Variants in GTPBP4 observed in about 807,000 individuals in gnomAD.
The protein encoded by GTPBP4 is GTP-binding protein 4.
In GTPBP4, 15 loss-of-function variants were observed where a neutral mutation model predicts 81.7. That is an observed-to-expected ratio of 0.18 (90% CI 0.12 to 0.28). GTPBP4 has a LOEUF of 0.28. GTPBP4 is among the 10% of genes least tolerant of loss of function. The pLI is 1.00. For missense variants in GTPBP4, 847 were observed against 793.8 expected, an observed-to-expected ratio of 1.07 and a Z score of -0.81; for synonymous variants, 272 against 274.6, an observed-to-expected ratio of 0.99 and a Z score of 0.09.
chr10:1,019,736 C>T lies in GTPBP4; in HGVS notation c.*2509C>T. 1 of 1,613,974 alleles carries T rather than the reference C, an allele frequency of 6.2e-7. No individual in the cohort carries two copies. Among genetic ancestry groups the T allele is most frequent in the South Asian group, 1.1e-5 (1 of 91,076 alleles). On this transcript the variant is annotated 3_prime_UTR_variant, in exon 17 of 17. Coordinates refer to ENST00000360803, the MANE Select transcript of GTPBP4 (RefSeq NM_012341.3). ...CCGGGTTCAGAGTGACGTTTTTCCT[C>T]ACAAGCAGAAGGTAACAAATTTCAT...
intron 13 of GTPBP4, 121 bp from the exon 14 acceptor site, chr10:1,012,344 C>T: frequency 1.5e-6 from 1 of 678,662 alleles, no homozygotes; most frequent in Non-Finnish European, 2.5e-6. Flanking sequence ...TGGGTCTGGA[C>T]CAGGGCAATC....
At position 992,544 on chromosome 10, in the gene GTPBP4, A is replaced by G. The variant is rs1257558050; in HGVS notation, c.104A>G (p.His35Arg). The part of the protein sequence containing the change: ...KTQRKTPTVI[H>R]KHYQIHRIRH... Reference sequence around the variant, plus strand: ...CAACGAAAGACTCCAACCGTTATTCATAAACATTACCAAATACATCGCATT... The same window carrying G: ...CAACGAAAGACTCCAACCGTTATTCGTAAACATTACCAAATACATCGCATT... The change falls in exon 2 of 17, where the codon CAT (histidine) becomes CGT (arginine). Residue 35 changes from histidine to arginine, a missense_variant. By Grantham distance (29) the His-to-Arg change is conservative. Transcript: ENST00000360803. 4.4e-6 allele frequency: 7 copies of G among 1,604,332 alleles called. No homozygotes were observed. The African/African-American group carries it at 8.0e-5, about 18-fold the overall frequency.
At position 1,017,253 on chromosome 10, in the gene GTPBP4, C is replaced by G. The variant is rs371888406; in HGVS notation, c.*26C>G. 1 of 1,604,270 alleles carries G rather than the reference C, an allele frequency of 6.2e-7. No homozygotes were observed. The highest frequency in any genetic ancestry group is 8.5e-7 in the Non-Finnish European group (1 of 1,172,334). On this transcript the variant is annotated 3_prime_UTR_variant, in exon 17 of 17. Transcript: ENST00000360803. Reference sequence around the variant, plus strand: ...TATCCGTTTGGTTGGCGTGGCTTCGCTAGAGTGTTGCTGTTTATTTCCTGG... The same window carrying G: ...TATCCGTTTGGTTGGCGTGGCTTCGGTAGAGTGTTGCTGTTTATTTCCTGG...
At chr10:1,001,525 C>T (rs541051985) in intron 8 of GTPBP4, among the ~76,000 whole-genome samples, 1 of 152,296 alleles carries the variant, frequency 6.6e-6, no homozygotes, top group South Asian at 2.1e-4. Flanking sequence ...TAATAGGCAT[C>T]CTTCATGATA....
At chr10:999,229 C>T in intron 6 of GTPBP4, 134 bp downstream of exon 6, 1 of 621,788 alleles carries the variant, frequency 1.6e-6, no homozygotes, top group Non-Finnish European at 2.9e-6. Context: ...AGTGATTCTC[C>T]TGCCTCAGCC....
At position 1,019,581 on chromosome 10, in the gene GTPBP4, C is replaced by T. The variant is rs200869545; in HGVS notation, c.*2354C>T. On this transcript the variant is annotated 3_prime_UTR_variant, in exon 17 of 17. Transcript: ENST00000360803. The stretch of plus-strand genomic sequence containing the variant: ...CACGTCATCCAGGTGAGGCCACCAC[C>T]GGTACAGAAACCTCTCGGCAATGGT... The T allele has an allele frequency of 6.8e-5, 109 of 1,613,978 alleles. 1 individual carries two copies. The highest frequency in any genetic ancestry group is 1.1e-4 in the South Asian group (10 of 91,070).
Position 1,019,673 on chromosome 10 carries a change from C to T in GTPBP4, c.*2446C>T, listed in dbSNP as rs1832055087. On this transcript the variant is annotated 3_prime_UTR_variant, in exon 17 of 17. Coordinates refer to ENST00000360803, the MANE Select transcript of GTPBP4 (RefSeq NM_012341.3). ...TCTCCAGCAGCTCCCACAGCTCCTC[C>T]TGGGACAGGTAGAGGATGCTTTTCG... 8.7e-6 allele frequency: 14 copies of T among 1,613,928 alleles called. No individual in the cohort carries two copies. The highest frequency in any genetic ancestry group is 1.1e-5 in the Non-Finnish European group (13 of 1,180,028).
chr10:1,012,626 T>C lies in GTPBP4; in HGVS notation c.1506T>C (p.Asn502=), dbSNP rs764936049. 9.9e-6 allele frequency: 16 copies of C among 1,613,780 alleles called. No homozygotes were observed. Among genetic ancestry groups the C allele is most frequent in the Non-Finnish European group, 5.1e-6 (6 of 1,179,864 alleles). The change falls in exon 14 of 17, where the codon AAT becomes AAC. Residue 502 remains asparagine, a synonymous_variant. Coordinates refer to ENST00000360803, the MANE Select transcript of GTPBP4 (RefSeq NM_012341.3). ...KLKILESKEK[N]TQGPRMPRTA... ...AAATTCTGGAGTCCAAAGAAAAGAA[T>C]ACACAGGGACCCAGGATGCCGCGAA...
chr10:1,008,766 A>G (rs929550293), intron 10 of GTPBP4, among the ~76,000 whole-genome samples, 192 bp from the exon 11 acceptor site: 2 of 150,666 alleles, frequency 1.3e-5, no homozygotes, highest in African/African-American at 4.9e-5. Flanking sequence ...CCCTAAAATA[A>G]TCTGTTGGTT....
At chr10:1,011,243 TCTTC>T (rs1263118109) in intron 13 of GTPBP4, among the ~76,000 whole-genome samples, 2 of 152,088 alleles carry the variant, frequency 1.3e-5, no homozygotes, top group Admixed American at 1.3e-4. Context: ...TGCTGGACCC[TCTTC>T]CTTGGGGGCT....
chr10:991,575 C>A (rs907260997), intron 1 of GTPBP4, among the ~76,000 whole-genome samples: 4 of 150,540 alleles, frequency 2.7e-5, no homozygotes, highest in Non-Finnish European at 5.9e-5. Context: ...AGGATTGTTT[C>A]TTTTTCTCAA....
intron 12 of GTPBP4, 44 bp downstream of exon 12, chr10:1,009,624 C>T (rs142283631): frequency 1.0e-4 from 113 of 1,090,758 alleles, no homozygotes; most frequent in Middle Eastern, 2.0e-4. Context: ...GCCAATTGGA[C>T]GTGAAGTATT....
In GTPBP4 at chr10:999,042, A is replaced by G; in HGVS notation, c.601A>G (p.Thr201Ala). ...ADVDVQPYAF[T>A]TKSLFVGHMD... ...CGTGGATGTCCAGCCCTATGCGTTC[A>G]CAACCAAGTCTCTGTTTGTTGGGCA... Residue 201 changes from threonine (T) to alanine (A), a missense_variant, in exon 6 of 17, where the codon ACA (threonine) becomes GCA (alanine). Thr to Ala is a moderately conservative substitution (Grantham distance 58). Around this residue, in one of 3 missense-constraint regions of GTPBP4, gnomAD observed 600 missense variants for 557.1 expected, o/e 1.08. Coordinates refer to ENST00000360803, the MANE Select transcript of GTPBP4 (RefSeq NM_012341.3). 1 of 1,610,324 alleles carries G rather than the reference A, an allele frequency of 6.2e-7. No homozygotes were observed. Among genetic ancestry groups the G allele is most frequent in the Non-Finnish European group, 8.5e-7 (1 of 1,176,458 alleles).
chr10:998,978 T>C (rs1315760864), intron 5 of GTPBP4, 25 bp from the exon 6 acceptor site: 1 of 1,300,290 alleles, frequency 7.7e-7, no homozygotes, highest in Non-Finnish European at 1.1e-6. Flanking sequence ...AATGAGGTGA[T>C]TCTGAAAGTT....
intron 1 of GTPBP4, among the ~76,000 whole-genome samples, chr10:989,679 C>G (rs148518607): frequency 1.3e-5 from 2 of 152,202 alleles, no homozygotes; most frequent in African/African-American, 4.8e-5. Context: ...CCCCACTTCT[C>G]TCCACCATTT....
intron 2 of GTPBP4, among the ~76,000 whole-genome samples, chr10:994,940 G>C (rs556506402): frequency 3.9e-4 from 59 of 152,318 alleles, no homozygotes; most frequent in African/African-American, 1.4e-3. Flanking sequence ...GATGAATGCA[G>C]TGAAGCCATG....
rs1362599497 is a variant in GTPBP4 at position 1,015,835 on chromosome 10, T to C, written c.1691T>C (p.Val564Ala). Reference sequence around the variant, plus strand: ...GAAGACTCTGCTCCCCCGTCCTCTGTGGCCCGGAGTGGGAGTTGCTCTCGA... The same window carrying C: ...GAAGACTCTGCTCCCCCGTCCTCTGCGGCCCGGAGTGGGAGTTGCTCTCGA... The part of the protein sequence containing the change: ...KREDSAPPSS[V>A]ARSGSCSRTP... Residue 564 changes from valine to alanine, a missense_variant, in exon 16 of 17, where the codon GTG becomes GCG. Physicochemically the swap from Val to Ala is moderately conservative, Grantham distance 64 (BLOSUM62 0). This residue lies in a region of GTPBP4 where 600 missense variants were observed against 557.1 expected (regional missense o/e 1.08). Transcript: ENST00000360803. 1 of 1,613,908 alleles carries C rather than the reference T, an allele frequency of 6.2e-7. No individual in the cohort carries two copies. Among genetic ancestry groups the C allele is most frequent in the East Asian group, 2.2e-5 (1 of 44,900 alleles).
intron 15 of GTPBP4, 97 bp downstream of exon 15, chr10:1,014,409 C>A: frequency 1.2e-6 from 1 of 856,108 alleles, no homozygotes; most frequent in Non-Finnish European, 1.9e-6. Flanking sequence ...GTAATCCCAG[C>A]ACTTTGGGAG....
intron 1 of GTPBP4, among the ~76,000 whole-genome samples, chr10:990,539 G>A (rs914638475): frequency 4.6e-5 from 7 of 151,706 alleles, no homozygotes; most frequent in Admixed American, 6.6e-5. Flanking sequence ...TGGCTAACAC[G>A]GTGAAACCCC....
Sources: allele counts gnomAD v4.1 joint callset (sites outside exome capture counted in the v4.1 genomes callset), GRCh38; gene constraint gnomAD v4.1.1; regional missense constraint gnomAD v4.1.1; transcripts MANE v1.5; gene names NCBI Gene and HGNC (gene_info 2026-07-23, HGNC 2026-07-21).